EVC: variants seen among roughly 807,000 people sequenced by gnomAD.
EVC encodes the protein EvC ciliary complex subunit 1.
In EVC, 116 loss-of-function variants were observed where a neutral mutation model predicts 118.9. The ratio of observed to expected loss-of-function variants is 0.98; its 90% confidence interval spans 0.84 to 1.14. The LOEUF (loss-of-function observed/expected upper bound fraction) is 1.14, where lower values mean the gene tolerates loss of function less well. Ranked by LOEUF, EVC falls within the 50% of genes most tolerant of loss-of-function variation. EVC has a pLI of 0.00. For missense variants in EVC, 1,401 were observed against 1,246.4 expected, an observed-to-expected ratio of 1.12 and a Z score of -1.87; for synonymous variants, 619 against 534.7, an observed-to-expected ratio of 1.16 and a Z score of -2.18.
chr4:5,733,225 A>G (rs1727125232), intron 4 of EVC, 126 bp from the exon 5 acceptor site: 1 of 799,058 alleles, frequency 1.3e-6, no homozygotes, highest in Non-Finnish European at 2.2e-6. Flanking sequence ...GGACCTCAGC[A>G]TGCTGCAGAA....
At chr4:5,824,903 A>T in the EVC span, 1 of 985,446 alleles carries the variant, frequency 1.0e-6, no homozygotes, top group Non-Finnish European at 1.2e-6. Context: ...TAAGAAAGTC[A>T]GGAGGGATCA....
intron 10 of EVC, 51 bp downstream of exon 10, chr4:5,753,984 T>G: frequency 6.2e-7 from 1 of 1,609,978 alleles, no homozygotes; most frequent in Middle Eastern, 2.2e-4. Context: ...GTTGTAGCTC[T>G]GTTCCCGTGA....
intron 11 of EVC, among the ~76,000 whole-genome samples, chr4:5,776,791 G>A (rs1011136158): frequency 1.3e-5 from 2 of 152,056 alleles, no homozygotes; most frequent in African/African-American, 4.8e-5. Context: ...TATTAAACCT[G>A]TACACTGAGT....
At chr4:5,779,223 A>G (rs980867333) in intron 11 of EVC, among the ~76,000 whole-genome samples, 3 of 152,046 alleles carry the variant, frequency 2.0e-5, no homozygotes, top group Admixed American at 6.5e-5. Context: ...TACCAGTACC[A>G]TGCTGTTTTG....
At chr4:5,774,360 C>T (rs1198501318) in intron 11 of EVC, among the ~76,000 whole-genome samples, 2 of 151,956 alleles carry the variant, frequency 1.3e-5, no homozygotes, top group African/African-American at 2.4e-5. Context: ...GAGAACCACA[C>T]ACTAACTTCT....
intron 12 of EVC, among the ~76,000 whole-genome samples, chr4:5,791,604 C>T (rs188355076): frequency 6.6e-6 from 1 of 152,276 alleles, no homozygotes; most frequent in Admixed American, 6.5e-5. Context: ...AAATATACAA[C>T]TTAAAAACTG....
chr4:5,808,536 C>T (rs970661414), intron 18 of EVC, among the ~76,000 whole-genome samples: 1 of 152,180 alleles, frequency 6.6e-6, no homozygotes, highest in Admixed American at 6.5e-5. Context: ...CTGTGTGGAT[C>T]CCTACAGCAG....
Position 5,753,790 on chromosome 4 carries a change from G to T in EVC, c.1321G>T (p.Val441Phe). The T allele has an allele frequency of 1.2e-6, 2 of 1,614,108 alleles. No homozygotes were observed. Among genetic ancestry groups the T allele is most frequent in the Non-Finnish European group, 1.7e-6 (2 of 1,179,992 alleles). ...GTGGCTTTTTTCAATCCCAGAGTTTGTCCAGCGAGGCAAAGACCTGGTCAC... is the reference window on the plus strand; with the variant it reads ...GTGGCTTTTTTCAATCCCAGAGTTTTTCCAGCGAGGCAAAGACCTGGTCAC... Reference protein sequence around the residue: ...QEAERFSREFVQRGKDLVTAS... With the variant: ...QEAERFSREFFQRGKDLVTAS... Residue 441 changes from valine to phenylalanine, a missense_variant, in exon 10 of 21, where the codon GTC becomes TTC. Val to Phe is a conservative substitution (Grantham distance 50, BLOSUM62 -1). Coordinates refer to ENST00000264956, the MANE Select transcript of EVC (RefSeq NM_153717.3).
Position 5,810,979 on chromosome 4 carries a change from G to A in EVC, c.2921G>A (p.Ser974Asn). 2 of 1,613,182 alleles carry A rather than the reference G, an allele frequency of 1.2e-6. No homozygotes were observed. The highest frequency in any genetic ancestry group is 1.7e-6 in the Non-Finnish European group (2 of 1,179,504). Residue 974 changes from serine (S) to asparagine (N), a missense_variant, in exon 21 of 21, where the codon AGT (serine) becomes AAT (asparagine). Coordinates refer to ENST00000264956, the MANE Select transcript of EVC (RefSeq NM_153717.3). ...AGCAAAAGGCTGAGTCAGCAAGAAA[G>A]TGAAGCTGGGGACAGTGGGAACTCA... Reference protein sequence around the residue: ...LSSKRLSQQESEAGDSGNSKK... With the variant: ...LSSKRLSQQENEAGDSGNSKK...
Position 5,783,671 on chromosome 4 carries a change from C to G in EVC, c.1683C>G (p.Val561=), listed in dbSNP as rs913909906. The part of the protein sequence containing the change: ...PEECDYLRQE[V]QENAAWQLGK... ...AGTGTGACTACTTGAGGCAGGAAGT[C>G]CAGGAGAACGCTGCCTGGCAGCTGG... Residue 561 remains valine (V), a synonymous_variant, in exon 12 of 21, where the codon GTC becomes GTG. Coordinates refer to ENST00000264956, the MANE Select transcript of EVC (RefSeq NM_153717.3). 15 of 1,614,116 alleles carry G rather than the reference C, an allele frequency of 9.3e-6. No individual in the cohort carries two copies. Among genetic ancestry groups the G allele is most frequent in the Non-Finnish European group, 1.3e-5 (15 of 1,180,020 alleles).
the EVC span, among the ~76,000 whole-genome samples, chr4:5,824,042 G>C: frequency 9.2e-5 from 14 of 152,216 alleles, no homozygotes; most frequent in African/African-American, 3.1e-4. Flanking sequence ...GAGTGAAACT[G>C]AGAGAACAAG....
intron 13 of EVC, among the ~76,000 whole-genome samples, chr4:5,794,323 A>G (rs935344457): frequency 6.8e-4 from 85 of 125,804 alleles, no homozygotes; most frequent in Non-Finnish European, 1.3e-3. Flanking sequence ...ATTTATATAT[A>G]TTTATATATA....
In EVC at chr4:5,756,571, C is replaced by CA. The variant is rs1241592892; in HGVS notation, c.1563+210dup. Among the ~76,000 whole-genome samples the CA allele has an allele frequency of 6.6e-6, 1 of 152,218 alleles. No homozygotes were observed. Among genetic ancestry groups the CA allele is most frequent in the African/African-American group, 2.4e-5 (1 of 41,456 alleles). ...CAGTTGGCCTTGGTCCTCTCTGAGG[C>CA]ACCGTCCATTTTTGGGGTGCTGAGG... On this transcript the variant is annotated intron_variant, in intron 11 of 20. Coordinates refer to ENST00000264956, the MANE Select transcript of EVC (RefSeq NM_153717.3). This position sits in a 1 kb window ranked among gnomAD's most constrained non-coding sequence, Gnocchi z 4.2.
rs544894663 is a variant in EVC, at chr4:5,803,081, C to T, written c.2449+987C>T. ...TCCCGCATGGGCTCTTGTAAAAGGC[C>T]ACCCTGGGGTGATAGAAAGGACAGT... is the stretch of plus-strand genomic sequence containing the variant. On this transcript the variant is annotated intron_variant, in intron 16 of 20. Transcript: ENST00000264956. 2.0e-5 allele frequency among the ~76,000 whole-genome samples: 3 copies of T among 152,332 alleles called. No homozygotes were observed. In the East Asian group the frequency reaches 5.8e-4, roughly 29 times the overall value.
At chr4:5,803,980 G>A (rs920166879) in intron 16 of EVC, among the ~76,000 whole-genome samples, 2 of 147,156 alleles carry the variant, frequency 1.4e-5, no homozygotes, top group African/African-American at 2.5e-5. Context: ...TCACTCAATC[G>A]CCCAGACTGG....
the EVC span, chr4:5,821,142 T>C: frequency 6.5e-6 from 1 of 152,678 alleles, no homozygotes; most frequent in Admixed American, 6.5e-5. The surrounding 1 kb of genome is among the most constrained non-coding windows in gnomAD (Gnocchi z 4.4). Flanking sequence ...ATGTGGAGGA[T>C]GCTTCTCTGC....
At chr4:5,823,404 C>T in the EVC span, among the ~76,000 whole-genome samples, 2 of 152,200 alleles carry the variant, frequency 1.3e-5, no homozygotes, top group African/African-American at 2.4e-5. Flanking sequence ...CCATCTGTAC[C>T]TTGCTGGTTG....
Position 5,737,453 on chromosome 4 carries a change from A to G in EVC, c.702+4018A>G, listed in dbSNP as rs1727875411. Among the ~76,000 whole-genome samples the G allele has an allele frequency of 2.6e-5, 4 of 152,234 alleles. No individual in the cohort carries two copies. Among genetic ancestry groups the G allele is most frequent in the Non-Finnish European group, 1.5e-5 (1 of 68,038 alleles). On this transcript the variant is annotated intron_variant, in intron 5 of 20. Coordinates refer to ENST00000264956, the MANE Select transcript of EVC (RefSeq NM_153717.3). The surrounding 1 kb of genome is among the most constrained non-coding windows in gnomAD (Gnocchi z 5.0). ...AAATAGCACAATATGGTCATGGAAG[A>G]AGATGCCATCTAAGACTTCATAGCT...
Position 5,711,431 on chromosome 4 carries a change from G to A in EVC, c.51G>A (p.Gly17=). The A allele has an allele frequency of 2.0e-6, 2 of 1,024,240 alleles. No individual in the cohort carries two copies. Among genetic ancestry groups the A allele is most frequent in the South Asian group, 4.3e-5 (1 of 23,088 alleles). 63.4% of individuals were successfully genotyped at this position (1,024,240 alleles called of 1,614,324 possible). The change falls in exon 1 of 21, where the codon GGG becomes GGA. Residue 17 remains glycine (G), a synonymous_variant. Transcript: ENST00000264956. The part of the protein sequence containing the change: ...ACKSDARLLL[G]RDALRPAPAL... ...AGAGCGACGCGCGGCTGCTGCTGGG[G>A]CGGGACGCGCTGCGGCCGGCGCCCG...
Sources: allele counts gnomAD v4.1 joint callset (sites outside exome capture counted in the v4.1 genomes callset), GRCh38; gene constraint gnomAD v4.1.1; non-coding constraint Gnocchi (gnomAD v3.1); transcripts MANE v1.5; gene names NCBI Gene and HGNC (gene_info 2026-07-23, HGNC 2026-07-21).